SEMA5A: variants seen among roughly 807,000 people sequenced by gnomAD.
SEMA5A encodes the protein semaphorin 5A.
Under a neutral mutation model 135.5 loss-of-function variants are expected in SEMA5A, and 55 were observed. The observed-to-expected ratio is 0.41, with a 90% CI of 0.33 to 0.51. The LOEUF (loss-of-function observed/expected upper bound fraction) is 0.51. Ranked by LOEUF, SEMA5A falls within the 20% of genes least tolerant of loss-of-function variation. The pLI is 0.37. For missense variants in SEMA5A, 1,290 were observed against 1,419.9 expected, an observed-to-expected ratio of 0.91 and a Z score of 1.47; for synonymous variants, 580 against 546.5, an observed-to-expected ratio of 1.06 and a Z score of -0.85.
At chr5:9,063,382 T>A (rs570243423) in intron 17 of SEMA5A, among the ~76,000 whole-genome samples, 2 of 152,232 alleles carry the variant, frequency 1.3e-5, no homozygotes, top group Non-Finnish European at 2.9e-5. Flanking sequence ...AGATTCTATA[T>A]AGGTAGTTCG....
chr5:9,249,289 G>T (rs1463738746), intron 5 of SEMA5A, among the ~76,000 whole-genome samples: 1 of 152,192 alleles, frequency 6.6e-6, no homozygotes. Flanking sequence ...ACCAGGAAGA[G>T]AAATATGATC....
intron 8 of SEMA5A, among the ~76,000 whole-genome samples, chr5:9,220,246 G>A (rs974769608): frequency 1.3e-5 from 2 of 152,046 alleles, no homozygotes; most frequent in Non-Finnish European, 2.9e-5. Context: ...CTATATACAG[G>A]GTACGGTGTA....
At chr5:9,458,625 G>C (rs1247414245) in intron 1 of SEMA5A, among the ~76,000 whole-genome samples, 1 of 152,172 alleles carries the variant, frequency 6.6e-6, no homozygotes, top group Non-Finnish European at 1.5e-5. Flanking sequence ...CTGTGGGAGA[G>C]AGCCAAACAC....
chr5:9,107,415 C>T (rs1041188672), intron 16 of SEMA5A, among the ~76,000 whole-genome samples: 1 of 152,056 alleles, frequency 6.6e-6, no homozygotes, highest in Non-Finnish European at 1.5e-5. Context: ...TTGGCACCAG[C>T]TTACTCTAAC....
At chr5:9,336,664 A>G (rs983901644) in intron 4 of SEMA5A, among the ~76,000 whole-genome samples, 4 of 152,204 alleles carry the variant, frequency 2.6e-5, no homozygotes, top group Admixed American at 6.5e-5. Context: ...AATTACAACC[A>G]TTCATCACTT....
At chr5:9,244,768 G>A (rs1748396840) in intron 5 of SEMA5A, among the ~76,000 whole-genome samples, 1 of 152,200 alleles carries the variant, frequency 6.6e-6, no homozygotes, top group African/African-American at 2.4e-5. Flanking sequence ...ACCCCTTGTA[G>A]AATGGGCACA....
chr5:9,350,017 T>G (rs529274203), intron 3 of SEMA5A, among the ~76,000 whole-genome samples: 1 of 152,304 alleles, frequency 6.6e-6, no homozygotes, highest in African/African-American at 2.4e-5. Flanking sequence ...CTTACTGCAC[T>G]GGACACCTTT....
Position 9,168,412 on chromosome 5 carries a change from G to A in SEMA5A, c.1274-13717C>T, listed in dbSNP as rs1301095095. Among the ~76,000 whole-genome samples the A allele has an allele frequency of 8.5e-5, 13 of 152,176 alleles. No individual in the cohort carries two copies. The East Asian group carries it at 2.5e-3, about 29-fold the overall frequency. ...TGCCAACAGTGAGGTCAGTGATGAA[G>A]GAGCTTTGAGTCTTGACTATTCTTT... On this transcript the variant is annotated intron_variant, in intron 11 of 22. Coordinates refer to ENST00000382496, the MANE Select transcript of SEMA5A (RefSeq NM_003966.3).
At chr5:9,455,664 A>G (rs1758807404) in intron 1 of SEMA5A, among the ~76,000 whole-genome samples, 1 of 152,238 alleles carries the variant, frequency 6.6e-6, no homozygotes, top group Admixed American at 6.5e-5. Context: ...GCAATCTTAT[A>G]GTAAGAAATT....
chr5:9,518,594 C>G (rs1736651721), intron 1 of SEMA5A, among the ~76,000 whole-genome samples: 1 of 152,214 alleles, frequency 6.6e-6, no homozygotes, highest in Admixed American at 6.5e-5. Flanking sequence ...AACCTACTCA[C>G]TGCCCAGAAA....
rs142514990 is a variant in SEMA5A, at chr5:9,213,171, G to A, written c.647-10931C>T. ...AATCAGCTCTCAAATGCCTCACCTC[G>A]TAATACCATTACATTGAAGGTTCAA... On this transcript the variant is annotated intron_variant, in intron 8 of 22. Transcript: ENST00000382496. Among the ~76,000 whole-genome samples the A allele has an allele frequency of 1.3e-4, 20 of 152,260 alleles. 1 individual carries two copies. In the East Asian group the frequency reaches 1.5e-3, roughly 12 times the overall value.
intron 1 of SEMA5A, among the ~76,000 whole-genome samples, chr5:9,480,391 A>G (rs899965472): frequency 2.0e-5 from 3 of 152,142 alleles, no homozygotes; most frequent in African/African-American, 7.2e-5. Flanking sequence ...ACTGGAGAAT[A>G]TTAACCGCCT....
chr5:9,485,690 C>T (rs1193509962), intron 1 of SEMA5A, among the ~76,000 whole-genome samples: 1 of 152,156 alleles, frequency 6.6e-6, no homozygotes, highest in African/African-American at 2.4e-5. Context: ...AAATGAGAAC[C>T]TGCTATACAC....
chr5:9,297,198 A>C (rs1011234997), intron 5 of SEMA5A, among the ~76,000 whole-genome samples: 2 of 152,146 alleles, frequency 1.3e-5, no homozygotes, highest in Non-Finnish European at 2.9e-5. Context: ...ATACACATAC[A>C]TATGTATATA....
chr5:9,048,524 T>TCAA (rs1389227693), intron 21 of SEMA5A, among the ~76,000 whole-genome samples: 3 of 151,994 alleles, frequency 2.0e-5, no homozygotes, highest in Non-Finnish European at 4.4e-5. Flanking sequence ...TTCACTTTTT[T>TCAA]CAACATCTCA....
intron 12 of SEMA5A, among the ~76,000 whole-genome samples, chr5:9,148,193 A>G (rs531788285): frequency 6.6e-6 from 1 of 152,370 alleles, no homozygotes; most frequent in Non-Finnish European, 1.5e-5. Flanking sequence ...AGATTAACCT[A>G]TGTAATTTAA....
At chr5:9,354,994 T>C (rs1385377186) in intron 3 of SEMA5A, among the ~76,000 whole-genome samples, 1 of 152,088 alleles carries the variant, frequency 6.6e-6, no homozygotes, top group Non-Finnish European at 1.5e-5. Context: ...GTAGGGCCAC[T>C]GCATGCATTA....
chr5:9,044,528 G>C lies in SEMA5A; in HGVS notation c.2950C>G (p.Leu984Val). 1.2e-6 allele frequency: 2 copies of C among 1,614,040 alleles called. No homozygotes were observed. Among genetic ancestry groups the C allele is most frequent in the South Asian group, 2.2e-5 (2 of 91,068 alleles). ...TAAGTATAGACGAGCAGGGTGAGGA[G>C]GCAGCCGAGGATGGAGCTGCTCAGC... is the stretch of plus-strand genomic sequence containing the variant. ...VGLSSSILGC[L>V]LTLLVYTYCQ... Residue 984 changes from leucine to valine, a missense_variant, in exon 22 of 23, where the codon CTC becomes GTC. Physicochemically the swap from Leu to Val is conservative, Grantham distance 32 (BLOSUM62 1). This residue lies in a region of SEMA5A where 1,029 missense variants were observed against 1,086.6 expected (regional missense o/e 0.95). Transcript: ENST00000382496.
At position 9,087,185 on chromosome 5, in the gene SEMA5A, G is replaced by A. The variant is rs139653742; in HGVS notation, c.2074-20539C>T. Reference sequence around the variant, plus strand: ...TGTTGCTCACCTGCTCCCTAAATCGGACCCCAATCCTGGCTGCCATTACCG... The same window carrying A: ...TGTTGCTCACCTGCTCCCTAAATCGAACCCCAATCCTGGCTGCCATTACCG... On this transcript the variant is annotated intron_variant, in intron 16 of 22. Transcript: ENST00000382496. Among the ~76,000 whole-genome samples, 1,078 of 152,292 alleles carry A rather than the reference G, an allele frequency of 7.1e-3. 8 individuals are homozygous for A. The highest frequency in any genetic ancestry group is 0.01 in the Non-Finnish European group (704 of 68,028).
Sources: gnomAD v4.1 joint callset for allele counts (sites outside exome capture counted in the v4.1 genomes callset) on GRCh38, gnomAD v4.1.1 for gene constraint, gnomAD v4.1.1 regional missense constraint, MANE v1.5 for transcripts, NCBI Gene and HGNC (gene_info 2026-07-23, HGNC 2026-07-21) for gene names.